ADCY10: variants seen among roughly 807,000 people sequenced by gnomAD.
The protein encoded by ADCY10 is adenylate cyclase 10, also known as adenylate cyclase type 10.
A neutral mutation model predicts 183.3 loss-of-function variants in ADCY10; 156 were observed. The observed-to-expected ratio is 0.85, with a 90% confidence interval of 0.75 to 0.97. The LOEUF is 0.97. Among genes scored for constraint, ADCY10 ranks in the 50% least tolerant of loss-of-function variants. ADCY10 has a pLI of 0.00. For missense variants in ADCY10, 1,745 were observed against 1,934.3 expected (o/e 0.90, Z 1.84); for synonymous variants, 645 against 670.0 (o/e 0.96, Z 0.58).
chr1:167,830,605 G>A (rs1663649660), intron 25 of ADCY10, among the ~76,000 whole-genome samples: 1 of 152,120 alleles, frequency 6.6e-6, no homozygotes, highest in African/African-American at 2.4e-5. Context: ...TGTTGGCCAG[G>A]CTGGTCCTGA....
intron 9 of ADCY10, among the ~76,000 whole-genome samples, chr1:167,883,097 G>A (rs1558229882): frequency 6.6e-6 from 1 of 152,254 alleles, no homozygotes; most frequent in Non-Finnish European, 1.5e-5. Context: ...GAGCGCAGTG[G>A]TGCGATCTCG....
Position 167,893,961 on chromosome 1 carries a change from G to A in ADCY10, c.740-20C>T. On this transcript the variant is annotated intron_variant, in intron 7 of 32. Transcript: ENST00000367851. ...GGAGGTCTAAGAAGGCAGAAGGAGG[G>A]TGCAGGCTCAGAGAGGGAAGTTTGG... 6.3e-7 allele frequency: 1 copy of A among 1,595,066 alleles called. No individual in the cohort carries two copies. The highest frequency in any genetic ancestry group is 8.6e-7 in the Non-Finnish European group (1 of 1,163,182).
At chr1:167,876,165 G>A (rs1240637411) in intron 12 of ADCY10, among the ~76,000 whole-genome samples, 2 of 151,468 alleles carry the variant, frequency 1.3e-5, no homozygotes, top group East Asian at 3.9e-4. Context: ...GCTGAGGCAG[G>A]AGAATCGCTT....
chr1:167,822,326 C>A (rs1475064643), intron 29 of ADCY10, among the ~76,000 whole-genome samples, 185 bp from the exon 30 acceptor site: 2 of 152,170 alleles, frequency 1.3e-5, no homozygotes, highest in South Asian at 4.1e-4. Flanking sequence ...TGAGTCCTAC[C>A]TATTGGGGAG....
chr1:167,906,542 C>T (rs933966687), intron 1 of ADCY10, among the ~76,000 whole-genome samples: 1 of 150,888 alleles, frequency 6.6e-6, no homozygotes, highest in African/African-American at 2.4e-5. Flanking sequence ...AATCCCAGCA[C>T]TTTGGGAGGC....
chr1:167,891,975 T>C (rs1668627467), intron 8 of ADCY10, among the ~76,000 whole-genome samples: 1 of 148,788 alleles, frequency 6.7e-6, no homozygotes, highest in Admixed American at 6.6e-5. Flanking sequence ...TTTTTTCTTT[T>C]CTTTTTTTTT....
chr1:167,819,429 C>T (rs1000117672), intron 30 of ADCY10, among the ~76,000 whole-genome samples: 1 of 151,546 alleles, frequency 6.6e-6, no homozygotes, highest in African/African-American at 2.4e-5. Context: ...AGTAGAGACA[C>T]GGTTTCACCA....
At chr1:167,873,868 G>C (rs1245740098) in intron 13 of ADCY10, among the ~76,000 whole-genome samples, 3 of 152,202 alleles carry the variant, frequency 2.0e-5, no homozygotes, top group Non-Finnish European at 4.4e-5. Context: ...TAAGAATTCT[G>C]TTTATTAAAT....
At chr1:167,872,365 CTT>C (rs1667167372) in intron 13 of ADCY10, among the ~76,000 whole-genome samples, 1 of 129,006 alleles carries the variant, frequency 7.8e-6, no homozygotes, top group African/African-American at 3.0e-5. Flanking sequence ...CCTAAGGAAG[CTT>C]AAAAAAAAAA....
At chr1:167,848,039 G>A (rs76328409) in intron 19 of ADCY10, among the ~76,000 whole-genome samples, 2,256 of 151,938 alleles carry the variant, frequency 0.015, 19 homozygotes, top group East Asian at 0.06. Flanking sequence ...GGAGTTTAGG[G>A]ACTAGAAAAT....
intron 8 of ADCY10, among the ~76,000 whole-genome samples, chr1:167,892,341 A>G (rs1668655286): frequency 6.6e-6 from 1 of 152,190 alleles, no homozygotes; most frequent in Non-Finnish European, 1.5e-5. Flanking sequence ...TTGGCTTGGA[A>G]AAGAGGACTA....
intron 3 of ADCY10, 28 bp downstream of exon 3, chr1:167,903,859 C>A: frequency 6.6e-7 from 1 of 1,524,190 alleles, no homozygotes; most frequent in South Asian, 1.1e-5. Flanking sequence ...GAAATATTCT[C>A]AAGCCAGAAA....
Position 167,845,702 on chromosome 1 carries a change from A to G in ADCY10, c.2868T>C (p.Phe956=). The change falls in exon 21 of 33, where the codon TTT becomes TTC. Residue 956 remains phenylalanine, a synonymous_variant. Coordinates refer to ENST00000367851, the MANE Select transcript of ADCY10 (RefSeq NM_018417.6). ...RKAMHLKCAR[F]LEEDAHRCDH... ...CACATCTGTGGGCATCTTCTTCTAA[A>G]AAGCGGGCACATTTCAAGTGCATGG... The G allele has an allele frequency of 1.9e-6, 3 of 1,614,214 alleles. No individual in the cohort carries two copies. Among genetic ancestry groups the G allele is most frequent in the Non-Finnish European group, 2.5e-6 (3 of 1,180,034 alleles).
intron 26 of ADCY10, among the ~76,000 whole-genome samples, chr1:167,828,694 C>T (rs537904304): frequency 4.5e-4 from 68 of 152,222 alleles, no homozygotes; most frequent in Non-Finnish European, 8.1e-4. Context: ...AGGTGCAGTG[C>T]CTCACGCCTG....
At chr1:167,831,561 G>A (rs1663739278) in intron 25 of ADCY10, among the ~76,000 whole-genome samples, 1 of 152,144 alleles carries the variant, frequency 6.6e-6, no homozygotes, top group Non-Finnish European at 1.5e-5. Flanking sequence ...GTTGTTCCAT[G>A]TCATACTCAT....
intron 1 of ADCY10, among the ~76,000 whole-genome samples, chr1:167,908,389 T>C (rs1186488268): frequency 6.6e-6 from 1 of 152,118 alleles, no homozygotes; most frequent in African/African-American, 2.4e-5. Flanking sequence ...TGGTGATGCC[T>C]GAGGCTGGGG....
At chr1:167,819,443 T>C (rs1662740149) in intron 30 of ADCY10, among the ~76,000 whole-genome samples, 1 of 152,140 alleles carries the variant, frequency 6.6e-6, no homozygotes. Context: ...TTCACCATAT[T>C]GGCCAGGCTG....
Position 167,846,131 on chromosome 1 carries a change from A to G in ADCY10, c.2570T>C (p.Met857Thr), listed in dbSNP as rs774288515. The G allele has an allele frequency of 4.3e-6, 7 of 1,614,182 alleles. No individual in the cohort carries two copies. The East Asian group carries it at 8.9e-5, about 21-fold the overall frequency. The change falls in exon 20 of 33, where the codon ATG becomes ACG. Residue 857 changes from methionine (M) to threonine (T), a missense_variant. Met to Thr is a moderately conservative substitution (Grantham distance 81, BLOSUM62 -1). Transcript: ENST00000367851. The part of the protein sequence containing the change: ...EILPCWNMKM[M>T]IKTLATLVES... ...CACTAGGGTTGCCAGGGTCTTGATCATCATCTTCATATTCCAACAGGGGAG... is the reference window on the plus strand; with the variant it reads ...CACTAGGGTTGCCAGGGTCTTGATCGTCATCTTCATATTCCAACAGGGGAG...
rs760049390 is a variant in ADCY10, at chr1:167,823,083, G to C, written c.4093C>G (p.Leu1365Val). Residue 1365 changes from leucine to valine, a missense_variant, in exon 29 of 33, where the codon CTT (leucine) becomes GTT (valine). Transcript: ENST00000367851. ...LIQVLGRLWE[L>V]SVTQEHIFSK... ...AAGATGTGTTCCTGTGTTACAGAAA[G>C]CTCCCACAGCCGCCCCAGCACCTGG... The C allele has an allele frequency of 1.2e-6, 2 of 1,614,006 alleles. No homozygotes were observed. Among genetic ancestry groups the C allele is most frequent in the African/African-American group, 1.3e-5 (1 of 74,908 alleles).
Sources: allele counts gnomAD v4.1 joint callset (sites outside exome capture counted in the v4.1 genomes callset), GRCh38; gene constraint gnomAD v4.1.1; transcripts MANE v1.5; gene names NCBI Gene and HGNC (gene_info 2026-07-23, HGNC 2026-07-21).